The following NCAM2 variants were observed in gnomAD, a reference collection of about 807,000 sequenced individuals.
NCAM2 encodes N-CAM-2.
Under a neutral mutation model 98.1 loss-of-function variants are expected in NCAM2, and 30 were observed. The ratio of observed to expected loss-of-function variants is 0.31; its 90% confidence interval spans 0.23 to 0.41. The LOEUF is 0.41. NCAM2 is among the 10% of genes least tolerant of loss of function. The pLI, the probability that NCAM2 is intolerant of heterozygous loss-of-function variation, is 1.00. For missense variants in NCAM2, 867 were observed against 1,005.8 expected, an observed-to-expected ratio of 0.86 and a Z score of 1.87; for synonymous variants, 368 against 342.4, an observed-to-expected ratio of 1.07 and a Z score of -0.83.
chr21:21,007,202 T>C (rs1381462952), intron 1 of NCAM2, among the ~76,000 whole-genome samples: 2 of 152,094 alleles, frequency 1.3e-5, no homozygotes, highest in Non-Finnish European at 2.9e-5. Flanking sequence ...TGTAAGAAAA[T>C]AAGCTCACTT....
intron 10 of NCAM2, among the ~76,000 whole-genome samples, chr21:21,418,109 G>C (rs142687908): frequency 1.3e-5 from 1 of 77,502 alleles, no homozygotes; most frequent in African/African-American, 4.9e-5. Flanking sequence ...ATATATACAT[G>C]TATACATAAA....
At chr21:21,058,326 C>T (rs565374617) in intron 1 of NCAM2, among the ~76,000 whole-genome samples, 74 of 152,162 alleles carry the variant, frequency 4.9e-4, no homozygotes, top group African/African-American at 1.7e-3. Context: ...TGTTGTATGA[C>T]ATTATTTCAT....
At chr21:21,272,963 C>CACACACACACAT (rs1555850124) in intron 1 of NCAM2, among the ~76,000 whole-genome samples, 34 of 118,424 alleles carry the variant, frequency 2.9e-4, no homozygotes, top group African/African-American at 1.0e-3. Flanking sequence ...CACACACACA[C>CACACACACACAT]GGGACATGCA....
At chr21:21,303,727 A>G (rs182660202) in intron 5 of NCAM2, among the ~76,000 whole-genome samples, 31 of 152,246 alleles carry the variant, frequency 2.0e-4, no homozygotes, top group African/African-American at 7.5e-4. Context: ...TACCTTCCCC[A>G]AAGCAGTGTA....
intron 9 of NCAM2, among the ~76,000 whole-genome samples, chr21:21,388,989 G>A (rs185683954): frequency 4.7e-4 from 71 of 152,308 alleles, no homozygotes; most frequent in African/African-American, 1.7e-3. Flanking sequence ...ACATTCTAAT[G>A]CAAGCAAAAG....
intron 1 of NCAM2, among the ~76,000 whole-genome samples, chr21:21,011,256 A>G (rs2064204876): frequency 6.6e-6 from 1 of 152,112 alleles, no homozygotes; most frequent in Non-Finnish European, 1.5e-5. Flanking sequence ...GATTTTCATA[A>G]AAGATATGTA....
chr21:21,287,705 G>A lies in NCAM2; in HGVS notation c.481+1293G>A, dbSNP rs78200320. On this transcript the variant is annotated intron_variant, in intron 4 of 17. Transcript: ENST00000400546. ...AAATAGAGCAAAGCCTCAAAGCAAA[G>A]ACTGATGACAACGGGTAGTGGTGAT... is the stretch of plus-strand genomic sequence containing the variant. Among the ~76,000 whole-genome samples the A allele has an allele frequency of 3.2e-3, 491 of 151,968 alleles. 1 individual carries two copies. The highest frequency in any genetic ancestry group is 0.01 in the Middle Eastern group (3 of 294).
At chr21:21,039,458 A>G (rs1367503044) in intron 1 of NCAM2, among the ~76,000 whole-genome samples, 6 of 152,334 alleles carry the variant, frequency 3.9e-5, no homozygotes, top group Non-Finnish European at 8.8e-5. Context: ...AAATGTTCCC[A>G]ACACATAAAA....
chr21:21,418,535 A>G lies in NCAM2; in HGVS notation c.1446A>G (p.Gly482=). 6.2e-7 allele frequency: 1 copy of G among 1,612,140 alleles called. No individual in the cohort carries two copies. Among genetic ancestry groups the G allele is most frequent in the Non-Finnish European group, 8.5e-7 (1 of 1,178,398 alleles). Residue 482 remains glycine, a synonymous_variant, in exon 11 of 18, where the codon GGA becomes GGG. Transcript: ENST00000400546. ...ATTGCACAGCCACTAATCATATAGGAACAAGATTTCAAGAATATATTCTTG... is the reference window on the plus strand; with the variant it reads ...ATTGCACAGCCACTAATCATATAGGGACAAGATTTCAAGAATATATTCTTG... ...RYNCTATNHI[G]TRFQEYILAL... is the part of the protein sequence containing the mutation.
chr21:21,334,089 C>T (rs1031337952), intron 6 of NCAM2, among the ~76,000 whole-genome samples: 8 of 151,954 alleles, frequency 5.3e-5, no homozygotes, highest in Non-Finnish European at 7.4e-5. Context: ...CCTGCTACCA[C>T]GCCAGGCTAG....
chr21:21,517,443 T>G (rs185218858), intron 16 of NCAM2, among the ~76,000 whole-genome samples: 1 of 152,306 alleles, frequency 6.6e-6, no homozygotes, highest in East Asian at 1.9e-4. Flanking sequence ...CTTCCTTCTA[T>G]TCTGTAGATA....
intron 1 of NCAM2, among the ~76,000 whole-genome samples, chr21:21,247,655 T>C (rs2071327956): frequency 6.6e-6 from 1 of 152,190 alleles, no homozygotes; most frequent in Admixed American, 6.5e-5. Context: ...TTGCTTTAGA[T>C]AGAGTCATAT....
intron 1 of NCAM2, among the ~76,000 whole-genome samples, chr21:21,034,905 G>A (rs2064766851): frequency 6.6e-6 from 1 of 152,102 alleles, no homozygotes; most frequent in Non-Finnish European, 1.5e-5. Flanking sequence ...AAGTTACCTT[G>A]CTGGAACTTT....
At chr21:21,114,879 G>A (rs931749281) in intron 1 of NCAM2, among the ~76,000 whole-genome samples, 18 of 151,296 alleles carry the variant, frequency 1.2e-4, no homozygotes, top group African/African-American at 4.1e-4. Flanking sequence ...GGAATGCAGT[G>A]GCATGATCTT....
intron 1 of NCAM2, among the ~76,000 whole-genome samples, chr21:21,146,597 G>A (rs2067282397): frequency 6.8e-6 from 1 of 147,690 alleles, no homozygotes; most frequent in Non-Finnish European, 1.5e-5. Context: ...ATACGTGTAT[G>A]TGTGTGTGTG....
At chr21:21,125,657 G>GAT (rs1438590812) in intron 1 of NCAM2, among the ~76,000 whole-genome samples, 1 of 132,404 alleles carries the variant, frequency 7.6e-6, no homozygotes, top group African/African-American at 2.8e-5. Flanking sequence ...TATATGTAGA[G>GAT]ATATATATAT....
At chr21:21,180,690 T>C (rs1407495801) in intron 1 of NCAM2, among the ~76,000 whole-genome samples, 1 of 145,228 alleles carries the variant, frequency 6.9e-6, no homozygotes, top group Non-Finnish European at 1.5e-5. Flanking sequence ...ATTCACTAAT[T>C]AGTTTTTGCC....
intron 13 of NCAM2, 132 bp from the exon 14 acceptor site, chr21:21,468,530 G>T: frequency 1.3e-6 from 1 of 789,552 alleles, no homozygotes; most frequent in South Asian, 3.6e-5. Flanking sequence ...TATCACAAAA[G>T]GGCAATGTCA....
chr21:21,185,006 A>G (rs111460170), intron 1 of NCAM2, among the ~76,000 whole-genome samples: 3 of 152,286 alleles, frequency 2.0e-5, no homozygotes, highest in African/African-American at 7.2e-5. Flanking sequence ...AGTGTGGACA[A>G]GTGACATCGT....
Sources: allele counts gnomAD v4.1 joint callset (sites outside exome capture counted in the v4.1 genomes callset), GRCh38; gene constraint gnomAD v4.1.1; transcripts MANE v1.5; gene names NCBI Gene and HGNC (gene_info 2026-07-23, HGNC 2026-07-21).